The following EHHADH variants were observed in gnomAD, a reference collection of about 807,000 sequenced individuals.
The protein encoded by EHHADH is peroxisomal bifunctional enzyme.
EHHADH carries 48 observed loss-of-function variants against 64.4 expected under a neutral mutation model. The observed-to-expected ratio is 0.75, with a 90% CI of 0.59 to 0.95. The LOEUF (loss-of-function observed/expected upper bound fraction) is 0.95. Among genes scored for constraint, EHHADH ranks in the 40% least tolerant of loss-of-function variants. The pLI, the probability that EHHADH is intolerant of heterozygous loss-of-function variation, is 0.00. For missense variants in EHHADH, 854 were observed against 876.6 expected (o/e 0.97, Z 0.33); for synonymous variants, 308 against 326.7 (o/e 0.94, Z 0.62).
intron 5 of EHHADH, among the ~76,000 whole-genome samples, chr3:185,212,138 G>A: frequency 6.6e-6 from 1 of 152,316 alleles, no homozygotes; most frequent in Non-Finnish European, 1.5e-5. Flanking sequence ...CATGAGAACA[G>A]GAGTTCTTAG....
At chr3:185,200,342 A>G (rs1690229388) in intron 6 of EHHADH, among the ~76,000 whole-genome samples, 1 of 152,202 alleles carries the variant, frequency 6.6e-6, no homozygotes, top group African/African-American at 2.4e-5. Flanking sequence ...CAAGTGTATT[A>G]AATTACTCAA....
chr3:185,205,621 G>T (rs1383878013), intron 5 of EHHADH, among the ~76,000 whole-genome samples: 1 of 151,930 alleles, frequency 6.6e-6, no homozygotes, highest in African/African-American at 2.4e-5. Context: ...TTAAAACAAA[G>T]AATCGGAGCA....
At position 185,229,438 on chromosome 3, in the gene EHHADH, T is replaced by C; in HGVS notation, c.457A>G (p.Thr153Ala). The part of the protein sequence containing the change: ...TGVPAALDLI[T>A]SGRRILADEA... ...TGCCAAGGTCTATACTGACCTGAGG[T>C]AATTAAGTCAAGTGCAGCAGGAACT... Residue 153 changes from threonine (T) to alanine (A), a missense_variant, in exon 4 of 7, where the codon ACC becomes GCC. Physicochemically the swap from Thr to Ala is moderately conservative, Grantham distance 58. Transcript: ENST00000231887. 6.5e-7 allele frequency: 1 copy of C among 1,527,814 alleles called. No individual in the cohort carries two copies. The highest frequency in any genetic ancestry group is 1.4e-5 in the South Asian group (1 of 73,788). 94.6% of individuals were successfully genotyped at this position (1,527,814 alleles called of 1,614,324 possible).
At chr3:185,236,689 C>A (rs1222406820) in intron 2 of EHHADH, among the ~76,000 whole-genome samples, 1 of 151,976 alleles carries the variant, frequency 6.6e-6, no homozygotes, top group Non-Finnish European at 1.5e-5. Context: ...TTTTTTCTCA[C>A]CAATTCATTA....
Position 185,192,179 on chromosome 3 carries a change from C to T in EHHADH, c.*47G>A, listed in dbSNP as rs767542871. The T allele has an allele frequency of 2.6e-6, 4 of 1,523,328 alleles. No individual in the cohort carries two copies. The highest frequency in any genetic ancestry group is 3.5e-6 in the Non-Finnish European group (4 of 1,131,526). The allele number at this position is 1,523,328 out of a possible 1,614,324, so 94.4% of individuals were successfully genotyped here. A position where few individuals can be genotyped will look rare whatever the true frequency, so the allele number is the denominator to read the frequency against. ...TGATTTAATTTCACTGAAATTCAGT[C>T]AGCATTACCTGATGCTAGCATGTGA... On this transcript the variant is annotated 3_prime_UTR_variant, in exon 7 of 7. Coordinates refer to ENST00000231887, the MANE Select transcript of EHHADH (RefSeq NM_001966.4).
At chr3:185,247,094 A>G (rs996649312) in intron 2 of EHHADH, among the ~76,000 whole-genome samples, 4 of 152,190 alleles carry the variant, frequency 2.6e-5, no homozygotes, top group African/African-American at 4.8e-5. Context: ...ATGTATTCTT[A>G]ATGAAATTTA....
chr3:185,253,851 T>A, intron 1 of EHHADH, 98 bp downstream of exon 1: 1 of 1,537,816 alleles, frequency 6.5e-7, no homozygotes, highest in Non-Finnish European at 8.8e-7. Context: ...TGAGTGTCCT[T>A]CTCGGTTTAA....
Position 185,191,121 on chromosome 3 carries a change from G to A in EHHADH, c.*1105C>T, listed in dbSNP as rs943834759. On this transcript the variant is annotated 3_prime_UTR_variant, in exon 7 of 7. Transcript: ENST00000231887. ...ATTCTAGCCTTAGGCAACCACTAAT[G>A]TACGGAAAGTATTTTTTGTAGAGAC... The A allele has an allele frequency of 1.3e-5, 2 of 152,080 alleles. No homozygotes were observed. Among genetic ancestry groups the A allele is most frequent in the African/African-American group, 2.4e-5 (1 of 41,398 alleles). 9.4% of individuals were successfully genotyped at this position (152,080 alleles called of 1,614,324 possible). A position where few individuals can be genotyped will look rare whatever the true frequency, so the allele number is the denominator to read the frequency against.
At position 185,218,127 on chromosome 3, in the gene EHHADH, T is replaced by A; in HGVS notation, c.568+9A>T. On this transcript the variant is annotated intron_variant, in intron 5 of 6. Transcript: ENST00000231887. ...CAGTCTTTGGCTATTTTTATTATTA[T>A]CTTCTTACCTGAAACTCTCTGAGCA... 1 of 1,582,766 alleles carries A rather than the reference T, an allele frequency of 6.3e-7. No homozygotes were observed. The highest frequency in any genetic ancestry group is 8.6e-7 in the Non-Finnish European group (1 of 1,160,738).
At chr3:185,203,915 G>A (rs1718298545) in intron 6 of EHHADH, among the ~76,000 whole-genome samples, 1 of 152,024 alleles carries the variant, frequency 6.6e-6, no homozygotes, top group Non-Finnish European at 1.5e-5. Context: ...TAAGGCAGGT[G>A]GATCACTTGA....
intron 2 of EHHADH, among the ~76,000 whole-genome samples, chr3:185,244,115 C>T (rs1214549820): frequency 6.6e-6 from 1 of 152,060 alleles, no homozygotes; most frequent in Non-Finnish European, 1.5e-5. Flanking sequence ...CATTCTTTGT[C>T]TTTTTACTGT....
chr3:185,235,703 A>G (rs1395300415), intron 2 of EHHADH, among the ~76,000 whole-genome samples: 1 of 152,170 alleles, frequency 6.6e-6, no homozygotes, highest in Non-Finnish European at 1.5e-5. Flanking sequence ...AATCTTTACC[A>G]GGAATTCTGT....
chr3:185,212,752 A>G (rs1055920270), intron 5 of EHHADH, among the ~76,000 whole-genome samples: 4 of 152,174 alleles, frequency 2.6e-5, no homozygotes, highest in African/African-American at 9.7e-5. Flanking sequence ...TTTTCAGAAT[A>G]TTCACAAGGT....
At position 185,253,974 on chromosome 3, in the gene EHHADH, G is replaced by A. The variant is rs769444169; in HGVS notation, c.49C>T (p.Arg17Ter). 18 of 1,613,946 alleles carry A rather than the reference G, an allele frequency of 1.1e-5. No homozygotes were observed. Among genetic ancestry groups the A allele is most frequent in the Middle Eastern group, 1.7e-4 (1 of 6,054 alleles). The stretch of plus-strand genomic sequence containing the variant: ...CTGATCGCGTTGACCGGCGGGTTTC[G>A]GAGGCGGATTAGCGCCAAGGCGTTG... ...LHNALALIRL[R>*]NPPVNAISTT... Residue 17 changes from arginine (R) to a stop codon, truncating the protein, a stop_gained, in exon 1 of 7, where the codon CGA (arginine) becomes TGA (stop). Transcript: ENST00000231887. LOFTEE classifies it high-confidence loss of function.
chr3:185,232,440 T>C (rs761548875), intron 3 of EHHADH, among the ~76,000 whole-genome samples: 24 of 152,200 alleles, frequency 1.6e-4, no homozygotes, highest in Non-Finnish European at 2.8e-4. Context: ...ATGCCGCCAC[T>C]TATAATGATT....
At chr3:185,238,469 T>G (rs572604794) in intron 2 of EHHADH, among the ~76,000 whole-genome samples, 4 of 152,338 alleles carry the variant, frequency 2.6e-5, no homozygotes, top group African/African-American at 7.2e-5. Flanking sequence ...GTGAGATATC[T>G]CATTGCAGTT....
intron 3 of EHHADH, among the ~76,000 whole-genome samples, chr3:185,232,031 T>C (rs540412243): frequency 1.4e-4 from 22 of 152,292 alleles, no homozygotes; most frequent in African/African-American, 5.1e-4. Context: ...CTTGAGTCCT[T>C]TATTTTATTG....
chr3:185,241,012 G>C (rs1053197140), intron 2 of EHHADH, among the ~76,000 whole-genome samples: 1 of 140,826 alleles, frequency 7.1e-6, no homozygotes, highest in African/African-American at 2.6e-5. Flanking sequence ...TTATGCCTTT[G>C]CATCCTCATA....
At chr3:185,202,725 A>C (rs905019832) in intron 6 of EHHADH, among the ~76,000 whole-genome samples, 1 of 152,146 alleles carries the variant, frequency 6.6e-6, no homozygotes, top group Non-Finnish European at 1.5e-5. Context: ...TCCTTCTGAG[A>C]ATTTAATGCC....
Sources: gnomAD v4.1 joint callset for allele counts (sites outside exome capture counted in the v4.1 genomes callset) on GRCh38, gnomAD v4.1.1 for gene constraint, MANE v1.5 for transcripts, NCBI Gene and HGNC (gene_info 2026-07-23, HGNC 2026-07-21) for gene names.